SCFD2: variants seen among roughly 807,000 people sequenced by gnomAD.
SCFD2 encodes the protein sec1 family domain containing 2.
A neutral mutation model predicts 58.9 loss-of-function variants in SCFD2; 54 were observed. The ratio of observed to expected loss-of-function variants is 0.92; its 90% confidence interval spans 0.74 to 1.15. The LOEUF (loss-of-function observed/expected upper bound fraction) is 1.15. SCFD2 is among the 50% of genes most tolerant of loss of function. The probability of loss-of-function intolerance (pLI) is 0.00; values close to 1 mark genes in which losing one functional copy is unlikely to be tolerated. For missense variants in SCFD2, 805 were observed against 836.6 expected, an observed-to-expected ratio of 0.96 and a Z score of 0.47; for synonymous variants, 321 against 335.9, an observed-to-expected ratio of 0.96 and a Z score of 0.49.
At chr4:53,229,241 G>C (rs1385532909) in intron 4 of SCFD2, among the ~76,000 whole-genome samples, 1 of 152,134 alleles carries the variant, frequency 6.6e-6, no homozygotes, top group Non-Finnish European at 1.5e-5. Context: ...AGCTACCAAT[G>C]ACTTTCTACA....
chr4:52,963,729 A>T (rs764456412), intron 5 of SCFD2, among the ~76,000 whole-genome samples: 1 of 152,142 alleles, frequency 6.6e-6, no homozygotes, highest in Non-Finnish European at 1.5e-5. Context: ...CTCTTCTGTA[A>T]ATTTGGTGAG....
chr4:53,352,177 TC>T (rs2149163085), intron 2 of SCFD2, among the ~76,000 whole-genome samples: 1 of 152,356 alleles, frequency 6.6e-6, no homozygotes, highest in African/African-American at 2.4e-5. Context: ...TCTGTTGATA[TC>T]CACAGGTATA....
intron 4 of SCFD2, among the ~76,000 whole-genome samples, chr4:53,162,762 A>G (rs1170393863): frequency 1.3e-5 from 2 of 151,924 alleles, no homozygotes; most frequent in Non-Finnish European, 2.9e-5. Context: ...TGATGAGTTA[A>G]TGGGTGCAGC....
At chr4:53,042,848 A>G (rs1032988143) in intron 5 of SCFD2, among the ~76,000 whole-genome samples, 1 of 152,120 alleles carries the variant, frequency 6.6e-6, no homozygotes, top group Admixed American at 6.5e-5. Context: ...TCTCCTTGGG[A>G]CTATGGATTG....
At chr4:53,288,069 G>C (rs991810541) in intron 3 of SCFD2, among the ~76,000 whole-genome samples, 1 of 151,918 alleles carries the variant, frequency 6.6e-6, no homozygotes, top group African/African-American at 2.4e-5. Context: ...GCAAGACCCT[G>C]TCTCTAAAAT....
Position 53,145,579 on chromosome 4 carries a change from T to C in SCFD2, c.1315A>G (p.Ile439Val), listed in dbSNP as rs114842118. The C allele has an allele frequency of 6.2e-7, 1 of 1,608,208 alleles. No homozygotes were observed. Among genetic ancestry groups the C allele is most frequent in the Non-Finnish European group, 8.5e-7 (1 of 1,178,102 alleles). ...LAFERLLLQSIGESAMSVVLN... is the reference protein window; with the variant it reads ...LAFERLLLQSVGESAMSVVLN... ...ACAACGGACATTGCTGACTCCCCAA[T>C]GCTCTAAAATAAAAAATGATATGAA... Residue 439 changes from isoleucine (I) to valine (V), a missense_variant, in exon 5 of 9, where the codon ATT becomes GTT. By Grantham distance (29) the Ile-to-Val change is conservative (BLOSUM62 3). Around this residue, in one of 3 missense-constraint regions of SCFD2, gnomAD observed 633 missense variants for 646.8 expected, o/e 0.98. Transcript: ENST00000401642.
chr4:53,343,410 T>C (rs925251796), intron 2 of SCFD2, among the ~76,000 whole-genome samples: 2 of 152,162 alleles, frequency 1.3e-5, no homozygotes, highest in Non-Finnish European at 2.9e-5. Context: ...CAGGAAGAAG[T>C]TGAATCCCTG....
At chr4:53,222,739 G>A (rs972893675) in intron 4 of SCFD2, among the ~76,000 whole-genome samples, 7 of 151,896 alleles carry the variant, frequency 4.6e-5, no homozygotes, top group Non-Finnish European at 1.0e-4. Flanking sequence ...AACATCAAAG[G>A]GATATCACTG....
intron 4 of SCFD2, among the ~76,000 whole-genome samples, chr4:53,222,265 G>GT (rs1250102236): frequency 1.3e-5 from 2 of 152,198 alleles, no homozygotes; most frequent in African/African-American, 4.8e-5. Context: ...AAAAATCTTG[G>GT]TTTTGAAACA....
intron 5 of SCFD2, among the ~76,000 whole-genome samples, chr4:53,026,678 G>A (rs1261640449): frequency 6.6e-6 from 1 of 152,136 alleles, no homozygotes; most frequent in African/African-American, 2.4e-5. Context: ...ATCACTCTAG[G>A]AGCCAGATCC....
chr4:52,991,495 T>A (rs1437281505), intron 5 of SCFD2, among the ~76,000 whole-genome samples: 1 of 152,084 alleles, frequency 6.6e-6, no homozygotes, highest in African/African-American at 2.4e-5. Context: ...GGTTCCCAAA[T>A]CTGGAGGATC....
intron 1 of SCFD2, among the ~76,000 whole-genome samples, chr4:53,353,398 G>A (rs934171213): frequency 1.1e-4 from 16 of 152,190 alleles, no homozygotes; most frequent in African/African-American, 2.2e-4. Flanking sequence ...GTGAGTAGCA[G>A]CAATATTTAT....
At chr4:53,363,389 T>C (rs1226172428) in intron 1 of SCFD2, among the ~76,000 whole-genome samples, 11 of 152,016 alleles carry the variant, frequency 7.2e-5, no homozygotes, top group Non-Finnish European at 1.5e-5. Flanking sequence ...GCTCAAGCAG[T>C]CTGCCCCCCT....
intron 4 of SCFD2, among the ~76,000 whole-genome samples, chr4:53,225,361 A>AT (rs1729172573): frequency 6.6e-6 from 1 of 152,058 alleles, no homozygotes; most frequent in Non-Finnish European, 1.5e-5. Flanking sequence ...AAAACTGAAC[A>AT]TTTTTTTCAT....
intron 7 of SCFD2, among the ~76,000 whole-genome samples, chr4:52,898,996 T>G (rs1278893377): frequency 4.6e-5 from 7 of 152,206 alleles, no homozygotes; most frequent in Non-Finnish European, 8.8e-5. Context: ...GTTTTCCATT[T>G]GCTTGGTAGA....
chr4:53,303,673 T>C (rs1420090870), intron 3 of SCFD2, among the ~76,000 whole-genome samples: 2 of 152,118 alleles, frequency 1.3e-5, no homozygotes, highest in Non-Finnish European at 2.9e-5. Context: ...TGTGGCATTA[T>C]TCACAATAGC....
At chr4:53,212,247 T>C (rs1157976447) in intron 4 of SCFD2, among the ~76,000 whole-genome samples, 3 of 151,956 alleles carry the variant, frequency 2.0e-5, no homozygotes, top group Non-Finnish European at 4.4e-5. Context: ...GTCGGTAAAG[T>C]TAACCATACA....
intron 2 of SCFD2, among the ~76,000 whole-genome samples, chr4:53,345,183 T>C (rs1482339642): frequency 6.6e-6 from 1 of 151,748 alleles, no homozygotes; most frequent in African/African-American, 2.4e-5. Context: ...TGGGAGAAAA[T>C]TTTTGCAATC....
In SCFD2 at chr4:53,184,841, C is replaced by G. The variant is rs1727693523; in HGVS notation, c.1312-39259G>C. On this transcript the variant is annotated intron_variant, in intron 4 of 8. Transcript: ENST00000401642. ...AAACTTCTTACTTGCTCTAATATAC[C>G]CTGCGGGCCCATGAAACAATCTTTC... Among the ~76,000 whole-genome samples the G allele has an allele frequency of 3.9e-5, 6 of 151,956 alleles. No individual in the cohort carries two copies. The South Asian group carries it at 1.2e-3, about 32-fold the overall frequency.
Sources: allele counts gnomAD v4.1 joint callset (sites outside exome capture counted in the v4.1 genomes callset), GRCh38; gene constraint gnomAD v4.1.1; regional missense constraint gnomAD v4.1.1; transcripts MANE v1.5; gene names NCBI Gene and HGNC (gene_info 2026-07-23, HGNC 2026-07-21).